Variants in KIAA0586 observed in about 807,000 individuals in gnomAD.
KIAA0586 encodes the protein protein TALPID3.
In KIAA0586, 144 loss-of-function variants were observed where a neutral mutation model predicts 169.8. The observed-to-expected ratio is 0.85, with a 90% CI of 0.74 to 0.97. The LOEUF (loss-of-function observed/expected upper bound fraction) is 0.97, where lower values mean the gene tolerates loss of function less well. KIAA0586 is among the 50% of genes least tolerant of loss of function. The pLI, the probability that KIAA0586 is intolerant of heterozygous loss-of-function variation, is 0.00. For synonymous variants in KIAA0586, 625 were observed against 612.4 expected (o/e 1.02, Z -0.30); for missense variants, 1,854 against 1,823.0 (o/e 1.02, Z -0.31).
chr14:58,459,115 G>A (rs2040116639), intron 12 of KIAA0586, among the ~76,000 whole-genome samples: 1 of 152,120 alleles, frequency 6.6e-6, no homozygotes, highest in Non-Finnish European at 1.5e-5. Flanking sequence ...GCAGGCTAAG[G>A]TGTTATTTTG....
At chr14:58,558,621 C>G in the KIAA0586 span, among the ~76,000 whole-genome samples, 3 of 152,212 alleles carry the variant, frequency 2.0e-5, no homozygotes, top group South Asian at 6.2e-4. Context: ...TCTTTAACTA[C>G]TGGCTACTAA....
intron 7 of KIAA0586, among the ~76,000 whole-genome samples, chr14:58,449,294 A>C (rs2039156705): frequency 6.6e-6 from 1 of 152,222 alleles, no homozygotes; most frequent in East Asian, 1.9e-4. Flanking sequence ...TGAGAGGCCA[A>C]GGTGAGAGGA....
chr14:58,495,563 C>T (rs993881625), intron 26 of KIAA0586, among the ~76,000 whole-genome samples: 2 of 151,906 alleles, frequency 1.3e-5, no homozygotes, highest in East Asian at 3.9e-4. Flanking sequence ...CTTCCAAAGT[C>T]CTGGGATTAT....
At chr14:58,469,549 A>G (rs1461043699) in intron 16 of KIAA0586, among the ~76,000 whole-genome samples, 1 of 152,236 alleles carries the variant, frequency 6.6e-6, no homozygotes. Context: ...ACGAATGAGC[A>G]TCACTAGCAC....
chr14:58,459,856 G>T lies in KIAA0586; in HGVS notation c.1670G>T (p.Arg557Ile). The change falls in exon 13 of 31, where the codon AGA becomes ATA. Residue 557 changes from arginine (R) to isoleucine (I), a missense_variant. Transcript: ENST00000652326. ...GGTTATGTTAAGGATGAACTGTCAA[G>T]AACAGATTATGAACAAAAAAGATTT... is the stretch of plus-strand genomic sequence containing the variant. Reference protein sequence around the residue: ...ISAEIQDELSRTDYEQKRFDQ... With the variant: ...ISAEIQDELSITDYEQKRFDQ... 6.6e-7 allele frequency: 1 copy of T among 1,524,954 alleles called. No homozygotes were observed. Among genetic ancestry groups the T allele is most frequent in the South Asian group, 1.2e-5 (1 of 82,300 alleles). 94.5% of individuals were successfully genotyped at this position (1,524,954 alleles called of 1,614,324 possible).
rs2040192141 is a variant in KIAA0586, at chr14:58,459,957, G to A, written c.1771G>A (p.Val591Ile). The A allele has an allele frequency of 6.5e-7, 1 of 1,533,390 alleles. No homozygotes were observed. Among genetic ancestry groups the A allele is most frequent in the African/African-American group, 1.4e-5 (1 of 72,970 alleles). The allele number at this position is 1,533,390 out of a possible 1,614,324, so 95.0% of individuals were successfully genotyped here. ...DIRTNTQDKT[V>I]NKSVIPRKHS... is the part of the protein sequence containing the mutation. ...TAGAACCAACACACAAGATAAAACT[G>A]TCAACAAATCTGTAATTCCAAGAAA... Residue 591 changes from valine (V) to isoleucine (I), a missense_variant, in exon 13 of 31, where the codon GTC becomes ATC. By Grantham distance (29) the Val-to-Ile change is conservative (BLOSUM62 3). Transcript: ENST00000652326.
intron 29 of KIAA0586, among the ~76,000 whole-genome samples, chr14:58,530,410 C>A (rs546548985): frequency 6.6e-6 from 1 of 152,172 alleles, no homozygotes; most frequent in Non-Finnish European, 1.5e-5. Flanking sequence ...AAGAACAAAG[C>A]TGGAGGCATC....
intron 30 of KIAA0586, among the ~76,000 whole-genome samples, chr14:58,541,324 G>A (rs1206993637): frequency 6.6e-6 from 1 of 152,220 alleles, no homozygotes; most frequent in Non-Finnish European, 1.5e-5. Context: ...GGAAACAACA[G>A]ACTTACAAGT....
intron 17 of KIAA0586, among the ~76,000 whole-genome samples, 197 bp from the exon 18 acceptor site, chr14:58,472,002 A>G (rs1163991084): frequency 6.6e-6 from 1 of 152,140 alleles, no homozygotes. Context: ...TTTTAAAGCT[A>G]TTGAAATGTT....
chr14:58,498,610 T>C lies in KIAA0586; in HGVS notation c.3991-173T>C, dbSNP rs192991430. The stretch of plus-strand genomic sequence containing the variant: ...AAAACAAAGCCTATCACGAGGCTTA[T>C]TAGACTAACTTCTTGAACTTTTCTT... On this transcript the variant is annotated intron_variant, in intron 26 of 30. Transcript: ENST00000652326. 1.5e-3 allele frequency among the ~76,000 whole-genome samples: 222 copies of C among 152,344 alleles called. 1 individual carries two copies. Among genetic ancestry groups the C allele is most frequent in the African/African-American group, 4.1e-3 (171 of 41,566 alleles).
At chr14:58,485,147 C>G (rs1326936369) in intron 21 of KIAA0586, among the ~76,000 whole-genome samples, 1 of 150,218 alleles carries the variant, frequency 6.7e-6, no homozygotes, top group Non-Finnish European at 1.5e-5. Flanking sequence ...TGGTCTCGAA[C>G]TCCTGACCTC....
In KIAA0586 at chr14:58,466,032, A is replaced by T. The variant is rs1384474025; in HGVS notation, c.2254+3A>T. On this transcript the variant is annotated splice_donor_region_variant and intron_variant, in intron 15 of 30. Transcript: ENST00000652326. ...GATTCCTATGGCAATTCTTTTAGGT[A>T]AGAATCAACAAAATATGTGGGATGG... The T allele has an allele frequency of 6.4e-7, 1 of 1,564,978 alleles. No individual in the cohort carries two copies. The highest frequency in any genetic ancestry group is 1.8e-5 in the Admixed American group (1 of 54,684).
intron 20 of KIAA0586, among the ~76,000 whole-genome samples, chr14:58,481,174 C>G (rs1429888553): frequency 6.6e-6 from 1 of 152,210 alleles, no homozygotes; most frequent in African/African-American, 2.4e-5. Flanking sequence ...TAGACGTCTA[C>G]CCACTTTTTA....
intron 4 of KIAA0586, among the ~76,000 whole-genome samples, chr14:58,439,158 C>G (rs576069683): frequency 1.3e-5 from 2 of 152,246 alleles, no homozygotes; most frequent in South Asian, 4.1e-4. Flanking sequence ...CAAGTAAATC[C>G]TGTTACCTCT....
chr14:58,492,826 C>T (rs1401311845), intron 26 of KIAA0586, among the ~76,000 whole-genome samples: 1 of 152,094 alleles, frequency 6.6e-6, no homozygotes, highest in African/African-American at 2.4e-5. Flanking sequence ...ATTTCAGAAG[C>T]AGAAATACCA....
At chr14:58,535,682 C>G (rs868185000) in intron 29 of KIAA0586, among the ~76,000 whole-genome samples, 3 of 149,540 alleles carry the variant, frequency 2.0e-5, no homozygotes, top group Non-Finnish European at 4.4e-5. Flanking sequence ...TTTTTAAGTA[C>G]CCTAATAATT....
In KIAA0586 at chr14:58,537,231, A is replaced by AT. The variant is rs568968708; in HGVS notation, c.4430-2832dup. The AT allele has an allele frequency of 1.1e-4, 113 of 992,032 alleles. 1 individual carries two copies. The African/African-American group carries it at 1.2e-3, about 11-fold the overall frequency. The allele number at this position is 992,032 out of a possible 1,614,324, so 61.5% of individuals were successfully genotyped here. A position where few individuals can be genotyped will look rare whatever the true frequency, so the allele number is the denominator to read the frequency against. On this transcript the variant is annotated intron_variant, in intron 29 of 30. Transcript: ENST00000652326. ...AACTCTGATACTGTGATAGTGGCTT[A>AT]TTTTTTTTAACTGTTAAGACGTATC...
chr14:58,460,165 T>TA, intron 13 of KIAA0586, 95 bp downstream of exon 13: 1 of 737,030 alleles, frequency 1.4e-6, no homozygotes, highest in Non-Finnish European at 2.1e-6. Flanking sequence ...GAAGGTGTTT[T>TA]AAAAATATGA....
intron 8 of KIAA0586, among the ~76,000 whole-genome samples, chr14:58,451,743 G>A (rs1299411798): frequency 1.3e-5 from 2 of 151,954 alleles, no homozygotes; most frequent in Non-Finnish European, 2.9e-5. Flanking sequence ...GAGTGCAGTG[G>A]CACCATCTCA....
Sources: gnomAD v4.1 joint callset for allele counts (sites outside exome capture counted in the v4.1 genomes callset) on GRCh38, gnomAD v4.1.1 for gene constraint, MANE v1.5 for transcripts, NCBI Gene and HGNC (gene_info 2026-07-23, HGNC 2026-07-21) for gene names.